Variants in PTPRD observed in about 807,000 individuals in gnomAD.
PTPRD encodes protein tyrosine phosphatase receptor type D, also known as receptor-type tyrosine-protein phosphatase delta.
PTPRD carries 34 observed loss-of-function variants against 214.5 expected under a neutral mutation model. The observed-to-expected ratio is 0.16, with a 90% CI of 0.12 to 0.21. PTPRD has a LOEUF of 0.21. Among genes scored for constraint, PTPRD ranks in the 10% least tolerant of loss-of-function variants. PTPRD has a pLI of 1.00. For missense variants in PTPRD, 2,545 were observed against 2,398.7 expected (o/e 1.06, Z -1.27); for synonymous variants, 1,128 against 845.7 (o/e 1.33, Z -5.79).
In PTPRD at chr9:8,485,302, G is replaced by A. The variant is rs767745154; in HGVS notation, c.3078C>T (p.Val1026=). 6 of 1,613,886 alleles carry A rather than the reference G, an allele frequency of 3.7e-6. No homozygotes were observed. Among genetic ancestry groups the A allele is most frequent in the Non-Finnish European group, 5.1e-6 (6 of 1,179,952 alleles). Residue 1026 remains valine, a synonymous_variant, in exon 29 of 46, where the codon GTC becomes GTT. Transcript: ENST00000381196. ...ACACGGAAGTCTTCATTACTGCTTT[G>A]ACATGAAAATTTTTTGCAAACACTG... ...VDQVFAKNFH[V]KAVMKTSVLL...
chr9:9,057,593 T>C (rs531021999), intron 10 of PTPRD, among the ~76,000 whole-genome samples: 4 of 152,312 alleles, frequency 2.6e-5, no homozygotes, highest in East Asian at 3.9e-4. Flanking sequence ...AGAGAGAAAG[T>C]TGATGGGTAG....
intron 8 of PTPRD, among the ~76,000 whole-genome samples, chr9:9,572,905 T>G (rs1054839169): frequency 7.3e-5 from 11 of 151,336 alleles, no homozygotes; most frequent in African/African-American, 2.7e-4. Context: ...TGTCAGTGAC[T>G]ATAGGGAGCA....
intron 8 of PTPRD, among the ~76,000 whole-genome samples, chr9:9,551,374 C>G (rs2080187585): frequency 1.3e-5 from 2 of 151,878 alleles, no homozygotes; most frequent in African/African-American, 4.8e-5. Context: ...TTCCAGTTAT[C>G]TATTCGAATA....
At chr9:9,534,079 G>C (rs1252613822) in intron 8 of PTPRD, among the ~76,000 whole-genome samples, 1 of 151,862 alleles carries the variant, frequency 6.6e-6, no homozygotes, top group Non-Finnish European at 1.5e-5. Context: ...AAGCCAGCAG[G>C]ATATTTAAAA....
At chr9:10,066,949 T>C (rs1019023444) in intron 3 of PTPRD, among the ~76,000 whole-genome samples, 18 of 149,526 alleles carry the variant, frequency 1.2e-4, no homozygotes, top group African/African-American at 4.1e-4. Context: ...GATGTAAGAG[T>C]TGGTTGTCCT....
chr9:9,924,371 T>C (rs1344433334), intron 5 of PTPRD, among the ~76,000 whole-genome samples: 1 of 152,054 alleles, frequency 6.6e-6, no homozygotes, highest in Non-Finnish European at 1.5e-5. Flanking sequence ...TAGAGAAGTG[T>C]CAAACAAGCT....
chr9:9,034,031 T>C (rs2099613913), intron 10 of PTPRD, among the ~76,000 whole-genome samples: 2 of 152,090 alleles, frequency 1.3e-5, no homozygotes, highest in African/African-American at 4.8e-5. Flanking sequence ...GGAAGCACAG[T>C]AGAAATAAAC....
At chr9:9,732,108 T>C (rs2098206429) in intron 7 of PTPRD, among the ~76,000 whole-genome samples, 1 of 151,866 alleles carries the variant, frequency 6.6e-6, no homozygotes, top group Non-Finnish European at 1.5e-5. Context: ...CCTTGAGGAA[T>C]GAATAGGAAA....
At chr9:9,667,840 G>A (rs1357883528) in intron 7 of PTPRD, among the ~76,000 whole-genome samples, 2 of 152,180 alleles carry the variant, frequency 1.3e-5, no homozygotes, top group Non-Finnish European at 2.9e-5. Flanking sequence ...TCTGCATTTT[G>A]TCAAGCATCC....
intron 32 of PTPRD, among the ~76,000 whole-genome samples, chr9:8,461,646 T>C (rs1330640979): frequency 6.6e-6 from 1 of 151,810 alleles, no homozygotes; most frequent in East Asian, 1.9e-4. Context: ...TTGCCTTTAT[T>C]TACTCTTTAC....
intron 2 of PTPRD, among the ~76,000 whole-genome samples, chr9:10,370,276 G>A (rs1381169176): frequency 6.6e-6 from 1 of 152,036 alleles, no homozygotes; most frequent in East Asian, 1.9e-4. Context: ...TCAGTGAAAG[G>A]AAGTATTAGA....
At chr9:9,084,132 G>T (rs566416797) in intron 10 of PTPRD, among the ~76,000 whole-genome samples, 1 of 152,138 alleles carries the variant, frequency 6.6e-6, no homozygotes, top group Non-Finnish European at 1.5e-5. Flanking sequence ...TATCACAATA[G>T]CAAAGACTTG....
intron 3 of PTPRD, among the ~76,000 whole-genome samples, chr9:10,058,634 G>T (rs193254149): frequency 6.6e-6 from 1 of 152,126 alleles, no homozygotes; most frequent in East Asian, 1.9e-4. Context: ...TGCAATATGG[G>T]CCAATTAGAT....
intron 3 of PTPRD, among the ~76,000 whole-genome samples, chr9:10,059,217 G>T (rs1702157964): frequency 1.3e-5 from 2 of 152,066 alleles, no homozygotes; most frequent in African/African-American, 4.8e-5. Context: ...TGGAAAAGGG[G>T]ATTAGTTTAG....
intron 7 of PTPRD, among the ~76,000 whole-genome samples, chr9:9,635,403 C>G (rs1224096308): frequency 6.6e-6 from 1 of 152,152 alleles, no homozygotes; most frequent in Non-Finnish European, 1.5e-5. Context: ...GGCTCCCGAA[C>G]TTTATTGTAA....
At chr9:10,140,963 G>A (rs1391934741) in intron 3 of PTPRD, among the ~76,000 whole-genome samples, 1 of 146,766 alleles carries the variant, frequency 6.8e-6, no homozygotes, top group Non-Finnish European at 1.5e-5. Context: ...ATCAATAAAT[G>A]TAATCCAGCA....
chr9:9,300,608 G>A (rs1181961792), intron 9 of PTPRD, among the ~76,000 whole-genome samples: 1 of 151,724 alleles, frequency 6.6e-6, no homozygotes, highest in Admixed American at 6.6e-5. Context: ...AATGGGATTA[G>A]TGTCCTTATA....
chr9:8,434,096 C>T (rs577702752), intron 35 of PTPRD, among the ~76,000 whole-genome samples: 7 of 152,174 alleles, frequency 4.6e-5, no homozygotes, highest in African/African-American at 1.7e-4. Flanking sequence ...GATTTTCCTG[C>T]CTCAGCCTCC....
At chr9:8,347,656 T>C (rs753875275) in intron 39 of PTPRD, among the ~76,000 whole-genome samples, 4 of 152,228 alleles carry the variant, frequency 2.6e-5, no homozygotes, top group Non-Finnish European at 5.9e-5. Context: ...TGTGACTGTA[T>C]TGGACACAGG....
Sources: allele counts gnomAD v4.1 joint callset (sites outside exome capture counted in the v4.1 genomes callset), GRCh38; gene constraint gnomAD v4.1.1; transcripts MANE v1.5; gene names NCBI Gene and HGNC (gene_info 2026-07-23, HGNC 2026-07-21).